The following SINHCAF variants were observed in gnomAD, a reference collection of about 807,000 sequenced individuals.
SINHCAF encodes SIN3-HDAC complex-associated factor.
A neutral mutation model predicts 25.8 loss-of-function variants in SINHCAF; 3 were observed. The observed-to-expected ratio is 0.12, with a 90% CI of 0.05 to 0.30. The LOEUF is 0.30. SINHCAF is among the 10% of genes least tolerant of loss of function. SINHCAF has a pLI of 1.00. For synonymous variants in SINHCAF, 70 were observed against 85.5 expected, an observed-to-expected ratio of 0.82 and a Z score of 1.00; for missense variants, 121 against 262.3, an observed-to-expected ratio of 0.46 and a Z score of 3.72.
In SINHCAF at chr12:31,285,418, TAC is replaced by T. The variant is rs71444392; in HGVS notation, c.506+2214_506+2215del. 3.7e-3 allele frequency among the ~76,000 whole-genome samples: 520 copies of T among 141,424 alleles called. 3 individuals are homozygous for T. The highest frequency in any genetic ancestry group is 0.021 in the Middle Eastern group (6 of 282). 92.8% of individuals were successfully genotyped at this position (141,424 alleles called of 152,430 possible). A position where few individuals can be genotyped will look rare whatever the true frequency, so the allele number is the denominator to read the frequency against. On this transcript the variant is annotated intron_variant, in intron 5 of 5. Transcript: ENST00000337682. ...ATAGACATATATTTATATATATACA[TAC>T]ACACACACACACACACACACACACA...
chr12:31,296,124 G>A (rs918884628), intron 2 of SINHCAF, among the ~76,000 whole-genome samples: 7 of 152,062 alleles, frequency 4.6e-5, no homozygotes, highest in African/African-American at 1.7e-4. Flanking sequence ...AAACATTGCT[G>A]TTTAATTAAT....
chr12:31,286,435 G>A (rs148477887), intron 5 of SINHCAF, among the ~76,000 whole-genome samples: 1,528 of 152,266 alleles, frequency 0.01, 32 homozygotes, highest in African/African-American at 0.035. Context: ...GCTGAGGCAG[G>A]TGGATCACCT....
At chr12:31,288,230 C>G (rs1483282172) in intron 4 of SINHCAF, among the ~76,000 whole-genome samples, 1 of 151,992 alleles carries the variant, frequency 6.6e-6, no homozygotes, top group Non-Finnish European at 1.5e-5. Flanking sequence ...AACAAAAATC[C>G]AAAACCCCAA....
intron 5 of SINHCAF, among the ~76,000 whole-genome samples, chr12:31,284,791 T>G (rs1937964828): frequency 6.6e-6 from 1 of 152,222 alleles, no homozygotes; most frequent in African/African-American, 2.4e-5. Flanking sequence ...AGGCTCTCTA[T>G]ACTATTCCAT....
chr12:31,306,118 T>C (rs999641208), intron 1 of SINHCAF, among the ~76,000 whole-genome samples: 14 of 152,220 alleles, frequency 9.2e-5, no homozygotes, highest in African/African-American at 2.9e-4. Context: ...CCCACTACCA[T>C]TGCCCATCAG....
chr12:31,284,152 T>G (rs940686776), intron 5 of SINHCAF, among the ~76,000 whole-genome samples: 51 of 152,180 alleles, frequency 3.4e-4, no homozygotes, highest in African/African-American at 1.2e-3. Flanking sequence ...TTATAACTAT[T>G]TACACCTATA....
Position 31,324,973 on chromosome 12 carries a change from G to A in SINHCAF, c.-21+1051C>T, listed in dbSNP as rs1939899767. On this transcript the variant is annotated intron_variant, in intron 1 of 5. Coordinates refer to ENST00000337682, the MANE Select transcript of SINHCAF (RefSeq NM_001135812.2). This position sits in a 1 kb window ranked among gnomAD's most constrained non-coding sequence, Gnocchi z 5.5. ...TGCCGGCCGGACCTGCCCGACGGCGGCCGCATCCCACGGCTCACGCGGGGC... is the reference window on the plus strand; with the variant it reads ...TGCCGGCCGGACCTGCCCGACGGCGACCGCATCCCACGGCTCACGCGGGGC... 1.1e-5 allele frequency: 5 copies of A among 456,650 alleles called. No homozygotes were observed. Among genetic ancestry groups the A allele is most frequent in the Non-Finnish European group, 2.2e-5 (5 of 226,898 alleles). The allele number at this position is 456,650 out of a possible 1,614,324, so 28.3% of individuals were successfully genotyped here. A position where few individuals can be genotyped will look rare whatever the true frequency, so the allele number is the denominator to read the frequency against.
intron 1 of SINHCAF, among the ~76,000 whole-genome samples, chr12:31,323,301 G>A (rs533007567): frequency 6.6e-6 from 1 of 152,258 alleles, no homozygotes; most frequent in East Asian, 1.9e-4. Flanking sequence ...GCAACTAAAT[G>A]TGTTCAATTT....
At chr12:31,319,767 T>G (rs1939629072) in intron 1 of SINHCAF, among the ~76,000 whole-genome samples, 1 of 152,208 alleles carries the variant, frequency 6.6e-6, no homozygotes. Flanking sequence ...TATTATTCAT[T>G]CCCTGGTCCA....
At position 31,325,529 on chromosome 12, in the gene SINHCAF, A is replaced by AATCCCAACAATGCCAC. The variant is rs1939934502; in HGVS notation, c.-21+494_-21+495insGTGGCATTGTTGGGAT. On this transcript the variant is annotated intron_variant, in intron 1 of 5. Transcript: ENST00000337682. The surrounding 1 kb of genome is among the most constrained non-coding windows in gnomAD (Gnocchi z 5.9). ...CACCCTAGTCCGAGGGCTGCAGTCAACTAAACCACGAGGTTTCACAACGGC... is the reference window on the plus strand; with the variant it reads ...CACCCTAGTCCGAGGGCTGCAGTCAAATCCCAACAATGCCACCTAAACCACGAGGTTTCACAACGGC... 4.2e-6 allele frequency: 1 copy of AATCCCAACAATGCCAC among 240,562 alleles called. No homozygotes were observed. The highest frequency in any genetic ancestry group is 1.3e-4 in the East Asian group (1 of 7,748). The allele number at this position is 240,562 out of a possible 1,614,324, so 14.9% of individuals were successfully genotyped here.
intron 4 of SINHCAF, 58 bp downstream of exon 4, chr12:31,293,747 C>A: frequency 6.8e-7 from 1 of 1,466,702 alleles, no homozygotes; most frequent in East Asian, 2.5e-5. Flanking sequence ...CATACACCAC[C>A]CCCAGCCAAA....
At chr12:31,288,904 T>C (rs1370222352) in intron 4 of SINHCAF, among the ~76,000 whole-genome samples, 3 of 152,118 alleles carry the variant, frequency 2.0e-5, no homozygotes, top group African/African-American at 7.2e-5. Context: ...ATTATGAACA[T>C]GTTTGAAATA....
chr12:31,302,560 C>T (rs1360463142), intron 1 of SINHCAF, among the ~76,000 whole-genome samples: 1 of 149,944 alleles, frequency 6.7e-6, no homozygotes, highest in Non-Finnish European at 1.5e-5. Context: ...TGAGGATGTG[C>T]GCCCAGGAAG....
At chr12:31,311,173 T>C (rs1939252570) in intron 1 of SINHCAF, among the ~76,000 whole-genome samples, 1 of 152,146 alleles carries the variant, frequency 6.6e-6, no homozygotes, top group African/African-American at 2.4e-5. Context: ...AACAAGGGAA[T>C]GGCATTTAAC....
rs562283315 is a variant in SINHCAF at position 31,325,608 on chromosome 12, G to T, written c.-21+416C>A. On this transcript the variant is annotated intron_variant, in intron 1 of 5. Coordinates refer to ENST00000337682, the MANE Select transcript of SINHCAF (RefSeq NM_001135812.2). The surrounding 1 kb of genome is among the most constrained non-coding windows in gnomAD (Gnocchi z 5.9). ...CGCGGACGCACCGACCCCGGCCGCT[G>T]CGCGGTGGCCAACGAGTCGCTTTCC... 1 of 185,592 alleles carries T rather than the reference G, an allele frequency of 5.4e-6. No individual in the cohort carries two copies. The highest frequency in any genetic ancestry group is 2.4e-5 in the African/African-American group (1 of 41,800). 11.5% of individuals were successfully genotyped at this position (185,592 alleles called of 1,614,324 possible). A position where few individuals can be genotyped will look rare whatever the true frequency, so the allele number is the denominator to read the frequency against.
chr12:31,293,188 T>C (rs1378041013), intron 4 of SINHCAF, among the ~76,000 whole-genome samples: 2 of 152,202 alleles, frequency 1.3e-5, no homozygotes, highest in African/African-American at 4.8e-5. Flanking sequence ...ACAATAACAT[T>C]ATATGCAGTG....
At chr12:31,308,364 C>G (rs1196709337) in intron 1 of SINHCAF, among the ~76,000 whole-genome samples, 1 of 152,096 alleles carries the variant, frequency 6.6e-6, no homozygotes, top group Non-Finnish European at 1.5e-5. Flanking sequence ...ATTTAGTATC[C>G]AGCTTCCACA....
intron 4 of SINHCAF, among the ~76,000 whole-genome samples, chr12:31,288,397 A>C (rs1232405134): frequency 2.0e-5 from 3 of 152,156 alleles, no homozygotes; most frequent in Non-Finnish European, 2.9e-5. Flanking sequence ...AAGAGCCTAC[A>C]TTTCCACCCT....
intron 1 of SINHCAF, among the ~76,000 whole-genome samples, chr12:31,306,822 T>C (rs1053124142): frequency 2.0e-5 from 3 of 152,212 alleles, no homozygotes; most frequent in East Asian, 1.9e-4. Context: ...ATCAGATGCA[T>C]AGGGGCATAA....
Sources: allele counts gnomAD v4.1 joint callset (sites outside exome capture counted in the v4.1 genomes callset), GRCh38; gene constraint gnomAD v4.1.1; non-coding constraint Gnocchi (gnomAD v3.1); transcripts MANE v1.5; gene names NCBI Gene and HGNC (gene_info 2026-07-23, HGNC 2026-07-21).